The following CNNM3 variants were observed in gnomAD, a reference collection of about 807,000 sequenced individuals.
The protein encoded by CNNM3 is cyclin and CBS domain divalent metal cation transport mediator 3.
Under a neutral mutation model 57.1 loss-of-function variants are expected in CNNM3, and 47 were observed. The observed-to-expected ratio is 0.82, with a 90% CI of 0.65 to 1.05. The LOEUF (loss-of-function observed/expected upper bound fraction) is 1.05, where lower values mean the gene tolerates loss of function less well. Among genes scored for constraint, CNNM3 ranks in the 50% least tolerant of loss-of-function variants. The probability of loss-of-function intolerance (pLI) is 0.00; values close to 1 mark genes in which losing one functional copy is unlikely to be tolerated. For synonymous variants in CNNM3, 507 were observed against 478.2 expected, an observed-to-expected ratio of 1.06 and a Z score of -0.79; for missense variants, 957 against 973.7, an observed-to-expected ratio of 0.98 and a Z score of 0.23.
Position 96,828,280 on chromosome 2 carries a change from C to T in CNNM3, c.1786+85C>T, listed in dbSNP as rs373123019. On this transcript the variant is annotated intron_variant, in intron 5 of 7. Coordinates refer to ENST00000305510, the MANE Select transcript of CNNM3 (RefSeq NM_017623.5). ...ATCATCACTTGGGCTCTCAGTGCCCCTCCTCACCTCTCCTTCCACCTGAGC... is the reference window on the plus strand; with the variant it reads ...ATCATCACTTGGGCTCTCAGTGCCCTTCCTCACCTCTCCTTCCACCTGAGC... 6.5e-6 allele frequency: 7 copies of T among 1,078,988 alleles called. No individual in the cohort carries two copies. In the African/African-American group the frequency reaches 1.1e-4, roughly 17 times the overall value. 66.8% of individuals were successfully genotyped at this position (1,078,988 alleles called of 1,614,324 possible).
intron 7 of CNNM3, 110 bp from the exon 8 acceptor site, chr2:96,832,442 A>G: frequency 6.4e-7 from 1 of 1,563,714 alleles, no homozygotes; most frequent in Non-Finnish European, 8.7e-7. Flanking sequence ...AGGCATCCCG[A>G]AGCACCTGTC....
intron 7 of CNNM3, among the ~76,000 whole-genome samples, chr2:96,831,669 C>T (rs2079604285): frequency 6.6e-6 from 1 of 151,858 alleles, no homozygotes; most frequent in Non-Finnish European, 1.5e-5. Context: ...GTTGTCTGAC[C>T]CCTGGCCTAC....
rs938385014 is a variant in CNNM3 at position 96,833,127 on chromosome 2, T to C, written c.*511T>C. 8 of 745,546 alleles carry C rather than the reference T, an allele frequency of 1.1e-5. No homozygotes were observed. In the African/African-American group the frequency reaches 1.5e-4, roughly 14 times the overall value. The allele number at this position is 745,546 out of a possible 1,614,324, so 46.2% of individuals were successfully genotyped here. ...ATCGATGGCCTTGTCCATGTTGTCC[T>C]TTCTGGCTTCCCTGATGGTGTCATG... On this transcript the variant is annotated 3_prime_UTR_variant, in exon 8 of 8. Coordinates refer to ENST00000305510, the MANE Select transcript of CNNM3 (RefSeq NM_017623.5).
chr2:96,817,523 C>T (rs765926012), intron 1 of CNNM3, 21 bp downstream of exon 1: 10 of 1,589,128 alleles, frequency 6.3e-6, no homozygotes, highest in African/African-American at 2.7e-5. Context: ...GGGCATGGTG[C>T]AGGGGACGCC....
Position 96,816,271 on chromosome 2 carries a change from G to A in CNNM3, c.-7G>A, listed in dbSNP as rs1158387096. On this transcript the variant is annotated 5_prime_UTR_variant, in exon 1 of 8. Coordinates refer to ENST00000305510, the MANE Select transcript of CNNM3 (RefSeq NM_017623.5). ...CTGCGCGAGAGGCCGAGAGGGGGCA[G>A]CAGGCGATGGCGGCGGCGGTAGCTG... 2 of 1,310,312 alleles carry A rather than the reference G, an allele frequency of 1.5e-6. No homozygotes were observed. The highest frequency in any genetic ancestry group is 2.4e-5 in the South Asian group (1 of 41,602). The allele number at this position is 1,310,312 out of a possible 1,614,324, so 81.2% of individuals were successfully genotyped here. A position where few individuals can be genotyped will look rare whatever the true frequency, so the allele number is the denominator to read the frequency against.
In CNNM3 at chr2:96,817,071, T is replaced by C; in HGVS notation, c.794T>C (p.Leu265Pro). 7.3e-7 allele frequency: 1 copy of C among 1,362,300 alleles called. No individual in the cohort carries two copies. The highest frequency in any genetic ancestry group is 9.4e-7 in the Non-Finnish European group (1 of 1,063,030). The allele number at this position is 1,362,300 out of a possible 1,614,324, so 84.4% of individuals were successfully genotyped here. A position where few individuals can be genotyped will look rare whatever the true frequency, so the allele number is the denominator to read the frequency against. Reference protein sequence around the residue: ...ALGLSRLAVLLTLPVALPVGQ... With the variant: ...ALGLSRLAVLPTLPVALPVGQ... ...GGCCTCAGCCGCCTGGCCGTCCTGC[T>C]CACTCTGCCCGTCGCGCTGCCCGTG... is the stretch of plus-strand genomic sequence containing the variant. Residue 265 changes from leucine (L) to proline (P), a missense_variant, in exon 1 of 8, where the codon CTC (leucine) becomes CCC (proline). Leu to Pro is a moderately conservative substitution (Grantham distance 98). Coordinates refer to ENST00000305510, the MANE Select transcript of CNNM3 (RefSeq NM_017623.5).
In CNNM3 at chr2:96,833,102, A is replaced by G. The variant is rs929335509; in HGVS notation, c.*486A>G. 1.0e-6 allele frequency: 1 copy of G among 960,374 alleles called. No homozygotes were observed. Among genetic ancestry groups the G allele is most frequent in the Non-Finnish European group, 1.4e-6 (1 of 694,188 alleles). The allele number at this position is 960,374 out of a possible 1,614,324, so 59.5% of individuals were successfully genotyped here. A position where few individuals can be genotyped will look rare whatever the true frequency, so the allele number is the denominator to read the frequency against. ...GCACCCATTTTGGCTGGGGGTTCAG[A>G]TCGATGGCCTTGTCCATGTTGTCCT... On this transcript the variant is annotated 3_prime_UTR_variant, in exon 8 of 8. Transcript: ENST00000305510.
chr2:96,831,277 G>C (rs1483179571), intron 7 of CNNM3, among the ~76,000 whole-genome samples: 2 of 152,204 alleles, frequency 1.3e-5, no homozygotes, highest in Non-Finnish European at 2.9e-5. Flanking sequence ...CCTGCATTTT[G>C]TCCCGTGAGC....
chr2:96,821,938 T>C (rs1343804978), intron 1 of CNNM3, among the ~76,000 whole-genome samples: 1 of 152,116 alleles, frequency 6.6e-6, no homozygotes, highest in Non-Finnish European at 1.5e-5. Context: ...ATTTGAAAAA[T>C]TGTAATTTGA....
intron 2 of CNNM3, 25 bp from the exon 3 acceptor site, chr2:96,826,808 A>AGCGC: frequency 6.2e-7 from 1 of 1,613,262 alleles, no homozygotes; most frequent in Non-Finnish European, 8.5e-7. Context: ...CTGATGCCTG[A>AGCGC]GCGCGCCCTC....
chr2:96,817,411 G>A lies in CNNM3; in HGVS notation c.1134G>A (p.Pro378=). The part of the protein sequence containing the change: ...LAFVDPEDCT[P]LSTITRFYNH... The stretch of plus-strand genomic sequence containing the variant: ...TCGTGGATCCCGAAGACTGCACGCC[G>A]CTCAGCACCATCACTCGTTTCTACA... The change falls in exon 1 of 8, where the codon CCG becomes CCA. Residue 378 remains proline, a synonymous_variant. Coordinates refer to ENST00000305510, the MANE Select transcript of CNNM3 (RefSeq NM_017623.5). The A allele has an allele frequency of 6.2e-7, 1 of 1,614,150 alleles. No homozygotes were observed. The highest frequency in any genetic ancestry group is 1.1e-5 in the South Asian group (1 of 91,082).
At position 96,817,179 on chromosome 2, in the gene CNNM3, A is replaced by G. The variant is rs2079335801; in HGVS notation, c.902A>G (p.Tyr301Cys). The part of the protein sequence containing the change: ...LELARGGGDP[Y>C]SDLSKGVLRC... ...CTGGCGCGCGGCGGCGGCGACCCCT[A>G]CAGCGATCTCAGCAAGGGCGTGCTG... The change falls in exon 1 of 8, where the codon TAC (tyrosine) becomes TGC (cysteine). Residue 301 changes from tyrosine (Y) to cysteine (C), a missense_variant. Transcript: ENST00000305510. 1.9e-6 allele frequency: 3 copies of G among 1,552,978 alleles called. No homozygotes were observed. The highest frequency in any genetic ancestry group is 2.6e-6 in the Non-Finnish European group (3 of 1,155,700).
At chr2:96,836,736 A>C (rs1017084167), downstream of CNNM3, 1 of 152,198 alleles carries the variant, frequency 6.6e-6, no homozygotes, top group Non-Finnish European at 1.5e-5. Context: ...AGTTTTGATA[A>C]AGTCCACTTT....
intron 5 of CNNM3, 42 bp downstream of exon 5, chr2:96,828,237 C>T: frequency 6.7e-7 from 1 of 1,488,922 alleles, no homozygotes; most frequent in Non-Finnish European, 9.3e-7. Flanking sequence ...AGGGTGGAGG[C>T]TGCAGAGCCT....
At position 96,833,470 on chromosome 2, in the gene CNNM3, TC is replaced by T. The variant is rs2079639868; in HGVS notation, c.*857del. On this transcript the variant is annotated 3_prime_UTR_variant, in exon 8 of 8. Coordinates refer to ENST00000305510, the MANE Select transcript of CNNM3 (RefSeq NM_017623.5). ...ACCTGCTCCACACCTCCCCACAGCCTCCCTGCAGGTGCTGTGTGGCCGTGAT... is the reference window on the plus strand; with the variant it reads ...ACCTGCTCCACACCTCCCCACAGCCTCCTGCAGGTGCTGTGTGGCCGTGAT... The T allele has an allele frequency of 6.0e-6, 1 of 166,158 alleles. No individual in the cohort carries two copies. The highest frequency in any genetic ancestry group is 2.4e-5 in the African/African-American group (1 of 41,620). 10.3% of individuals were successfully genotyped at this position (166,158 alleles called of 1,614,324 possible).
intron 1 of CNNM3, among the ~76,000 whole-genome samples, chr2:96,821,986 CATTATT>C (rs769275167): frequency 5.4e-5 from 8 of 148,268 alleles, no homozygotes; most frequent in African/African-American, 1.5e-4. Flanking sequence ...TACAAAAGAA[CATTATT>C]ATTATTATTA....
rs569147435 is a variant in CNNM3, at chr2:96,818,147, C to T, written c.1225+645C>T. The stretch of plus-strand genomic sequence containing the variant: ...TGTCGCGCAGGCTGGAGTGCAGTGG[C>T]CGATCTCTTATCACTGCAACTTTCG... On this transcript the variant is annotated intron_variant, in intron 1 of 7. Coordinates refer to ENST00000305510, the MANE Select transcript of CNNM3 (RefSeq NM_017623.5). Among the ~76,000 whole-genome samples the T allele has an allele frequency of 5.1e-4, 77 of 152,238 alleles. 1 individual carries two copies. Among genetic ancestry groups the T allele is most frequent in the Admixed American group, 4.3e-3 (66 of 15,294 alleles).
Position 96,834,600 on chromosome 2 carries a change from C to T in CNNM3, c.*1984C>T, listed in dbSNP as rs1054582921. ...CTAGGCTCAAGCGATCCTCCTGCCT[C>T]GGCCTCCCAAAGTGTTGAGATTATA... On this transcript the variant is annotated 3_prime_UTR_variant, in exon 8 of 8. Transcript: ENST00000305510. Among the ~76,000 whole-genome samples, 7 of 151,612 alleles carry T rather than the reference C, an allele frequency of 4.6e-5. No individual in the cohort carries two copies. Among genetic ancestry groups the T allele is most frequent in the South Asian group, 2.1e-4 (1 of 4,784 alleles).
At position 96,827,830 on chromosome 2, in the gene CNNM3, A is replaced by T; in HGVS notation, c.1619A>T (p.Asn540Ile). The change falls in exon 4 of 8, where the codon AAC becomes ATC. Residue 540 changes from asparagine (N) to isoleucine (I), a missense_variant. Physicochemically the swap from Asn to Ile is moderately radical, Grantham distance 149 (BLOSUM62 -3). Around this residue, in one of 2 missense-constraint regions of CNNM3, gnomAD observed 491 missense variants for 570.6 expected, o/e 0.86. Transcript: ENST00000305510. ...CAGGAAGTGAGGTTTGACGAGAGCA[A>T]CCGGCTGGCCACACACCACTACCTG... Reference protein sequence around the residue: ...VNQEVRFDESNRLATHHYLYQ... With the variant: ...VNQEVRFDESIRLATHHYLYQ... 2 of 1,614,114 alleles carry T rather than the reference A, an allele frequency of 1.2e-6. No homozygotes were observed. The highest frequency in any genetic ancestry group is 1.3e-5 in the African/African-American group (1 of 75,032).
Sources: allele counts gnomAD v4.1 joint callset (sites outside exome capture counted in the v4.1 genomes callset), GRCh38; gene constraint gnomAD v4.1.1; regional missense constraint gnomAD v4.1.1; transcripts MANE v1.5; gene names NCBI Gene and HGNC (gene_info 2026-07-23, HGNC 2026-07-21).